ST6GAL1: variants seen among roughly 807,000 people sequenced by gnomAD.
The protein encoded by ST6GAL1 is beta-galactoside alpha-2,6-sialyltransferase 1.
A neutral mutation model predicts 38.0 loss-of-function variants in ST6GAL1; 20 were observed. The observed-to-expected ratio is 0.53, with a 90% CI of 0.37 to 0.77. ST6GAL1 has a LOEUF of 0.77. ST6GAL1 is among the 30% of genes least tolerant of loss of function. The pLI is 0.00. For synonymous variants in ST6GAL1, 196 were observed against 188.2 expected (o/e 1.04, Z -0.34); for missense variants, 432 against 496.4 (o/e 0.87, Z 1.23).
intron 2 of ST6GAL1, among the ~76,000 whole-genome samples, chr3:186,971,740 G>A (rs62292612): frequency 0.085 from 12,888 of 152,260 alleles, 731 homozygotes; most frequent in Non-Finnish European, 0.12. Flanking sequence ...TCACAGATGA[G>A]CAAACATCCT....
chr3:186,988,843 G>C (rs1716048956), intron 2 of ST6GAL1, among the ~76,000 whole-genome samples: 1 of 152,120 alleles, frequency 6.6e-6, no homozygotes, highest in Non-Finnish European at 1.5e-5. Context: ...GAGTCCGAGA[G>C]GTGGAGGTTG....
chr3:187,021,853 G>T (rs184128890), intron 2 of ST6GAL1: 8 of 152,226 alleles, frequency 5.3e-5, no homozygotes, highest in Admixed American at 2.0e-4. Context: ...ACAGGGTTGG[G>T]TGAACTTTCT....
At chr3:187,034,553 A>AAAATAATTATTT (rs1717863642) in intron 2 of ST6GAL1, among the ~76,000 whole-genome samples, 1 of 152,192 alleles carries the variant, frequency 6.6e-6, no homozygotes, top group South Asian at 2.1e-4. Context: ...AAATTATTTC[A>AAAATAATTATTT]CTGTGATCAA....
At chr3:187,034,952 A>G (rs1443031128) in intron 2 of ST6GAL1, among the ~76,000 whole-genome samples, 2 of 152,218 alleles carry the variant, frequency 1.3e-5, no homozygotes, top group African/African-American at 2.4e-5. Flanking sequence ...ATAGGAAAAG[A>G]AGTCAAACTG....
intron 1 of ST6GAL1, among the ~76,000 whole-genome samples, chr3:186,933,804 T>G (rs142452254): frequency 6.6e-6 from 1 of 152,270 alleles, no homozygotes; most frequent in Non-Finnish European, 1.5e-5. Context: ...GCCAAAGTTA[T>G]GGTTGTTATA....
intron 1 of ST6GAL1, among the ~76,000 whole-genome samples, chr3:186,931,867 A>G (rs1713768332): frequency 6.6e-6 from 1 of 152,262 alleles, no homozygotes; most frequent in South Asian, 2.1e-4. Context: ...GTTTATTTGA[A>G]AGAAATTCCG....
intron 5 of ST6GAL1, among the ~76,000 whole-genome samples, chr3:187,052,055 G>T (rs1251647852): frequency 2.0e-5 from 3 of 152,154 alleles, no homozygotes; most frequent in African/African-American, 7.2e-5. Flanking sequence ...TGCTCTGGGG[G>T]TTTTTATGTC....
At chr3:187,050,564 G>A (rs1718478657) in intron 4 of ST6GAL1, among the ~76,000 whole-genome samples, 2 of 151,332 alleles carry the variant, frequency 1.3e-5, no homozygotes, top group Admixed American at 6.6e-5. Context: ...GAGAGAGGGA[G>A]GGAGGGAAGG....
At chr3:187,060,459 C>T (rs930781351) in intron 5 of ST6GAL1, among the ~76,000 whole-genome samples, 2 of 152,186 alleles carry the variant, frequency 1.3e-5, no homozygotes, top group African/African-American at 2.4e-5. Context: ...CCTCACCCAG[C>T]AGGGTGAGAC....
At chr3:186,946,387 A>C (rs1346280005) in intron 1 of ST6GAL1, among the ~76,000 whole-genome samples, 1 of 136,662 alleles carries the variant, frequency 7.3e-6, no homozygotes, top group Non-Finnish European at 1.5e-5. Context: ...AAAACTTATT[A>C]TTATTATTTT....
chr3:186,981,874 C>A (rs549049649), intron 2 of ST6GAL1, among the ~76,000 whole-genome samples: 3 of 152,292 alleles, frequency 2.0e-5, no homozygotes, highest in Non-Finnish European at 1.5e-5. Context: ...TTGAATACCT[C>A]CTTTACTAAG....
intron 2 of ST6GAL1, among the ~76,000 whole-genome samples, chr3:186,989,607 A>G (rs1011191612): frequency 1.3e-5 from 2 of 152,202 alleles, no homozygotes; most frequent in Non-Finnish European, 2.9e-5. Flanking sequence ...GAACCTGGAT[A>G]ACATTGTTGG....
chr3:187,005,604 T>G (rs1716762612), intron 2 of ST6GAL1, among the ~76,000 whole-genome samples: 1 of 152,214 alleles, frequency 6.6e-6, no homozygotes, highest in Admixed American at 6.5e-5. Context: ...ATGATCTATT[T>G]GAGACAAAAG....
chr3:187,056,683 A>T (rs1272754989), intron 5 of ST6GAL1, among the ~76,000 whole-genome samples: 1 of 152,178 alleles, frequency 6.6e-6, no homozygotes, highest in Non-Finnish European at 1.5e-5. Context: ...TGTTAGTCTG[A>T]TGGGCTTCCC....
intron 2 of ST6GAL1, among the ~76,000 whole-genome samples, chr3:187,004,209 G>A (rs1024196290): frequency 6.6e-6 from 1 of 152,254 alleles, no homozygotes; most frequent in Non-Finnish European, 1.5e-5. Context: ...GGCCTCCCCG[G>A]CAAGTGAGCA....
chr3:186,932,030 G>A (rs957737663), intron 1 of ST6GAL1, among the ~76,000 whole-genome samples: 4 of 152,262 alleles, frequency 2.6e-5, no homozygotes, highest in African/African-American at 9.6e-5. Context: ...GGTGCAGGTT[G>A]TGGGCGTGCA....
chr3:186,973,299 C>T (rs929761249), intron 2 of ST6GAL1, among the ~76,000 whole-genome samples: 1 of 152,110 alleles, frequency 6.6e-6, no homozygotes, highest in Admixed American at 6.5e-5. Context: ...GCCTTCCAAA[C>T]TGCTGGGATT....
intron 5 of ST6GAL1, among the ~76,000 whole-genome samples, chr3:187,066,329 T>C (rs1406313771): frequency 6.6e-6 from 1 of 152,144 alleles, no homozygotes; most frequent in Non-Finnish European, 1.5e-5. Context: ...TTTTCCTCTG[T>C]GCGTGGTGGA....
intron 2 of ST6GAL1, among the ~76,000 whole-genome samples, chr3:186,989,978 C>T (rs1456126235): frequency 2.0e-5 from 3 of 152,180 alleles, no homozygotes; most frequent in East Asian, 1.9e-4. Flanking sequence ...TAGCCACAAG[C>T]TTTGGAGTTA....
Sources: gnomAD v4.1 joint callset for allele counts (sites outside exome capture counted in the v4.1 genomes callset) on GRCh38, gnomAD v4.1.1 for gene constraint, MANE v1.5 for transcripts, NCBI Gene and HGNC (gene_info 2026-07-23, HGNC 2026-07-21) for gene names.